Variants in CTNNA2 observed in about 807,000 individuals in gnomAD.
CTNNA2 encodes catenin alpha 2.
CTNNA2 carries 42 observed loss-of-function variants against 101.0 expected under a neutral mutation model. That is an observed-to-expected ratio of 0.42 (90% CI 0.32 to 0.54). The LOEUF (loss-of-function observed/expected upper bound fraction) is 0.54, where lower values mean the gene tolerates loss of function less well. Ranked by LOEUF, CTNNA2 falls within the 20% of genes least tolerant of loss-of-function variation. The probability of loss-of-function intolerance (pLI) is 0.14; values close to 1 mark genes in which losing one functional copy is unlikely to be tolerated. For missense variants in CTNNA2, 871 were observed against 1,223.1 expected (o/e 0.71, Z 4.29); for synonymous variants, 450 against 456.4 (o/e 0.99, Z 0.18).
intron 2 of CTNNA2, among the ~76,000 whole-genome samples, chr2:79,660,191 C>A (rs1349895130): frequency 2.0e-5 from 3 of 150,198 alleles, no homozygotes; most frequent in East Asian, 2.0e-4. Context: ...TTTACAAATA[C>A]AAATACTATG....
intron 15 of CTNNA2, among the ~76,000 whole-genome samples, chr2:80,596,971 G>A (rs919362297): frequency 2.0e-5 from 3 of 152,038 alleles, no homozygotes; most frequent in African/African-American, 7.3e-5. Flanking sequence ...GATAATCATG[G>A]TTTTTGTCAC....
intron 7 of CTNNA2, among the ~76,000 whole-genome samples, chr2:80,392,922 ACTT>A (rs1157884951): frequency 3.9e-5 from 6 of 152,194 alleles, no homozygotes; most frequent in African/African-American, 1.4e-4. Context: ...TGTTATATTA[ACTT>A]AACTGCTAAG....
chr2:79,967,900 C>G (rs1690188786), intron 7 of CTNNA2, among the ~76,000 whole-genome samples: 1 of 152,116 alleles, frequency 6.6e-6, no homozygotes, highest in Non-Finnish European at 1.5e-5. Context: ...CCAATATATA[C>G]TTCAATGTGG....
chr2:79,290,467 C>T lies in CTNNA2; in HGVS notation c.-405-22242C>T, dbSNP rs373445685. On this transcript the variant is annotated intron_variant, in intron 2 of 21. Coordinates refer to the CTNNA2 transcript ENST00000466387. ...GGACGGGCACTCCTGCCTTTGTGCCCAAATGTTGCATTTCCCAAGACCACC... is the reference window on the plus strand; with the variant it reads ...GGACGGGCACTCCTGCCTTTGTGCCTAAATGTTGCATTTCCCAAGACCACC... Among the ~76,000 whole-genome samples, 9 of 152,224 alleles carry T rather than the reference C, an allele frequency of 5.9e-5. No homozygotes were observed. In the East Asian group the frequency reaches 1.7e-3, roughly 30 times the overall value.
chr2:80,134,514 G>A (rs1237471229), intron 7 of CTNNA2, among the ~76,000 whole-genome samples: 1 of 152,130 alleles, frequency 6.6e-6, no homozygotes, highest in Non-Finnish European at 1.5e-5. Flanking sequence ...TCATCCATGT[G>A]ACCCTGAGAC....
At chr2:79,948,324 A>G (rs1373653740) in intron 7 of CTNNA2, among the ~76,000 whole-genome samples, 1 of 152,202 alleles carries the variant, frequency 6.6e-6, no homozygotes, top group African/African-American at 2.4e-5. Context: ...TGAAATTAAA[A>G]TGTTGGTATT....
At chr2:80,181,133 C>T (rs1300231476) in intron 7 of CTNNA2, among the ~76,000 whole-genome samples, 12 of 152,154 alleles carry the variant, frequency 7.9e-5, no homozygotes, top group Non-Finnish European at 1.3e-4. Flanking sequence ...TAGGGGCTTG[C>T]CAGGACTTTA....
intron 3 of CTNNA2, among the ~76,000 whole-genome samples, chr2:79,766,904 C>T (rs543922415): frequency 2.0e-4 from 31 of 151,940 alleles, no homozygotes; most frequent in South Asian, 4.2e-4. Flanking sequence ...TATAGACACG[C>T]GCCACCATGC....
intron 11 of CTNNA2, among the ~76,000 whole-genome samples, chr2:80,551,440 G>A (rs1353635203): frequency 1.3e-5 from 2 of 152,190 alleles, no homozygotes; most frequent in Non-Finnish European, 2.9e-5. Context: ...TCCAGTAGAA[G>A]GCTGTCTTGT....
At chr2:79,324,564 T>C (rs781064810) in intron 3 of CTNNA2, among the ~76,000 whole-genome samples, 2 of 152,070 alleles carry the variant, frequency 1.3e-5, no homozygotes, top group Non-Finnish European at 2.9e-5. Context: ...AAATAAATAT[T>C]ACATCCAGTC....
intron 1 of CTNNA2, among the ~76,000 whole-genome samples, chr2:79,626,040 G>A (rs1024473615): frequency 2.0e-5 from 3 of 152,076 alleles, no homozygotes; most frequent in Admixed American, 6.6e-5. Flanking sequence ...GTGTTAGGAG[G>A]GACGTTTGAC....
intron 1 of CTNNA2, among the ~76,000 whole-genome samples, chr2:79,622,305 A>G (rs998698930): frequency 1.5e-4 from 23 of 152,096 alleles, no homozygotes; most frequent in African/African-American, 5.3e-4. Context: ...CCCCCTCTAT[A>G]TTTCTTCCTT....
Position 80,306,394 on chromosome 2 carries a change from CTTTTCT to C in CTNNA2, c.1057-86813_1057-86808del, listed in dbSNP as rs1241484385. On this transcript the variant is annotated intron_variant, in intron 7 of 18. Coordinates refer to ENST00000402739, the MANE Select transcript of CTNNA2 (RefSeq NM_001282597.3). The stretch of plus-strand genomic sequence containing the variant: ...TTCTTTCTTTCTTTTCTTTTCTTTT[CTTTTCT>C]TTTCTTTCTTTCTTTCTTTCTTTCT... Among the ~76,000 whole-genome samples the C allele has an allele frequency of 7.6e-3, 988 of 129,334 alleles. 16 individuals are homozygous for C. The highest frequency in any genetic ancestry group is 0.032 in the African/African-American group (933 of 28,772). 84.8% of individuals were successfully genotyped at this position (129,334 alleles called of 152,430 possible).
intron 7 of CTNNA2, among the ~76,000 whole-genome samples, chr2:80,261,568 A>G (rs1392132638): frequency 6.6e-6 from 1 of 152,126 alleles, no homozygotes; most frequent in Non-Finnish European, 1.5e-5. Context: ...TGTCGCTGAA[A>G]TGGGACCCCG....
chr2:79,962,930 G>C (rs571503177), intron 7 of CTNNA2, among the ~76,000 whole-genome samples: 1 of 151,932 alleles, frequency 6.6e-6, no homozygotes, highest in East Asian at 1.9e-4. Context: ...AATTAACCGG[G>C]CGTAGTGGCG....
intron 7 of CTNNA2, among the ~76,000 whole-genome samples, chr2:80,286,783 C>T (rs765899008): frequency 6.6e-6 from 1 of 152,176 alleles, no homozygotes; most frequent in South Asian, 2.1e-4. Context: ...GACTTTGCTA[C>T]ACCTGTGTTA....
At chr2:79,999,758 C>G (rs1443551053) in intron 7 of CTNNA2, among the ~76,000 whole-genome samples, 3 of 152,124 alleles carry the variant, frequency 2.0e-5, no homozygotes, top group African/African-American at 7.2e-5. Context: ...AAAATCAAAG[C>G]CCGTGCTCTG....
intron 7 of CTNNA2, among the ~76,000 whole-genome samples, chr2:79,964,429 G>A (rs1001231869): frequency 1.3e-5 from 2 of 151,886 alleles, no homozygotes; most frequent in African/African-American, 4.8e-5. Context: ...AAGCCAAGCT[G>A]TTTATCTAAT....
chr2:79,949,508 C>T (rs1018037665), intron 7 of CTNNA2, among the ~76,000 whole-genome samples: 5 of 152,126 alleles, frequency 3.3e-5, no homozygotes, highest in African/African-American at 1.2e-4. Flanking sequence ...TGGCTCATCC[C>T]TATAATCCCA....
Sources: allele counts gnomAD v4.1 joint callset (sites outside exome capture counted in the v4.1 genomes callset), GRCh38; gene constraint gnomAD v4.1.1; transcripts MANE v1.5; gene names NCBI Gene and HGNC (gene_info 2026-07-23, HGNC 2026-07-21).